The following PDZD8 variants were observed in gnomAD, a reference collection of about 807,000 sequenced individuals.
PDZD8 encodes the protein PDZ domain-containing protein 8.
A neutral mutation model predicts 85.8 loss-of-function variants in PDZD8; 14 were observed. That is an observed-to-expected ratio of 0.16 (90% CI 0.11 to 0.26). PDZD8 has a LOEUF of 0.26. Among genes scored for constraint, PDZD8 ranks in the 10% least tolerant of loss-of-function variants. PDZD8 has a pLI of 1.00. For synonymous variants in PDZD8, 592 were observed against 568.6 expected (o/e 1.04, Z -0.59); for missense variants, 1,197 against 1,424.3 (o/e 0.84, Z 2.57).
chr10:117,318,225 G>C (rs928069660), intron 3 of PDZD8, among the ~76,000 whole-genome samples: 21 of 152,096 alleles, frequency 1.4e-4, no homozygotes, highest in African/African-American at 4.8e-4. Context: ...CATCTCTTTA[G>C]AGTCCTATTA....
chr10:117,300,799 T>C (rs1252643234), intron 3 of PDZD8, among the ~76,000 whole-genome samples: 1 of 152,128 alleles, frequency 6.6e-6, no homozygotes, highest in African/African-American at 2.4e-5. Context: ...CCTTCTGCCA[T>C]GTGAGGACAT....
intron 2 of PDZD8, among the ~76,000 whole-genome samples, chr10:117,320,308 A>G (rs149294650): frequency 6.6e-6 from 1 of 152,244 alleles, no homozygotes; most frequent in Non-Finnish European, 1.5e-5. Flanking sequence ...ACTATCAGGC[A>G]GACAAAACTG....
chr10:117,323,978 A>G (rs539491677), intron 2 of PDZD8, among the ~76,000 whole-genome samples: 1 of 152,206 alleles, frequency 6.6e-6, no homozygotes, highest in East Asian at 1.9e-4. Flanking sequence ...CCGTAATCCC[A>G]GCACTTTGGG....
intron 2 of PDZD8, among the ~76,000 whole-genome samples, chr10:117,330,216 A>C (rs1844398681): frequency 6.6e-6 from 1 of 151,932 alleles, no homozygotes; most frequent in Non-Finnish European, 1.5e-5. Flanking sequence ...CCCCCTCAGA[A>C]ACATCCTCAT....
chr10:117,292,844 A>T (rs181962127), intron 3 of PDZD8, among the ~76,000 whole-genome samples: 110 of 151,780 alleles, frequency 7.2e-4, no homozygotes, highest in African/African-American at 2.7e-3. Context: ...TTTCTCCCCA[A>T]TTTTTACTGA....
intron 2 of PDZD8, among the ~76,000 whole-genome samples, chr10:117,338,136 G>T (rs891180539): frequency 6.6e-6 from 1 of 151,992 alleles, no homozygotes; most frequent in African/African-American, 2.4e-5. Flanking sequence ...TTTATACTAA[G>T]AAAAAAGTTT....
At position 117,374,553 on chromosome 10, in the gene PDZD8, C is replaced by T. The variant is rs757423023; in HGVS notation, c.675G>A (p.Val225=). 22 of 1,602,954 alleles carry T rather than the reference C, an allele frequency of 1.4e-5. No individual in the cohort carries two copies. In the Admixed American group the frequency reaches 3.8e-4, roughly 28 times the overall value. ...SAYLFVKLSR[V]VGRLRLVFTR... is the part of the protein sequence containing the mutation. ...TAAAGACCAAGCGCAGCCTTCCCAC[C>T]ACGCGGGACAGCTTGACAAACAAGT... Residue 225 remains valine (V), a synonymous_variant, in exon 1 of 5, where the codon GTG becomes GTA. Coordinates refer to ENST00000334464, the MANE Select transcript of PDZD8 (RefSeq NM_173791.5). The surrounding 1 kb of genome is among the most constrained non-coding windows in gnomAD (Gnocchi z 7.8).
At chr10:117,339,921 A>C (rs1047720991) in intron 2 of PDZD8, among the ~76,000 whole-genome samples, 4 of 152,168 alleles carry the variant, frequency 2.6e-5, no homozygotes, top group African/African-American at 9.7e-5. Flanking sequence ...ACATCCTAAG[A>C]GTAATGGGGA....
intron 1 of PDZD8, among the ~76,000 whole-genome samples, chr10:117,365,048 T>C (rs530668988): frequency 6.6e-6 from 1 of 152,000 alleles, no homozygotes; most frequent in Non-Finnish European, 1.5e-5. Context: ...AACATGGGTA[T>C]ATCAGGGGAT....
At chr10:117,348,646 T>C (rs1313772131) in intron 1 of PDZD8, among the ~76,000 whole-genome samples, 1 of 152,238 alleles carries the variant, frequency 6.6e-6, no homozygotes, top group Non-Finnish European at 1.5e-5. Context: ...TCTCTCCCTC[T>C]TCTTATAAGG....
intron 1 of PDZD8, among the ~76,000 whole-genome samples, chr10:117,372,080 T>C (rs1180062774): frequency 1.3e-5 from 2 of 152,228 alleles, no homozygotes; most frequent in Non-Finnish European, 2.9e-5. Context: ...GATAAGCATA[T>C]AGCAGGTGTA....
intron 3 of PDZD8, among the ~76,000 whole-genome samples, chr10:117,290,670 T>C (rs1203517771): frequency 6.6e-6 from 1 of 152,056 alleles, no homozygotes; most frequent in Non-Finnish European, 1.5e-5. Flanking sequence ...TTATACAATC[T>C]AGAACTATTC....
intron 3 of PDZD8, among the ~76,000 whole-genome samples, chr10:117,303,119 G>T (rs1338100099): frequency 6.6e-6 from 1 of 152,216 alleles, no homozygotes; most frequent in Admixed American, 6.5e-5. Flanking sequence ...CAGAAGAAAA[G>T]AAAATGTGGG....
rs1306148700 is a variant in PDZD8, at chr10:117,283,114, A to G, written c.*154T>C. The G allele has an allele frequency of 1.4e-6, 1 of 706,592 alleles. No homozygotes were observed. The allele number at this position is 706,592 out of a possible 1,614,324, so 43.8% of individuals were successfully genotyped here. A position where few individuals can be genotyped will look rare whatever the true frequency, so the allele number is the denominator to read the frequency against. The stretch of plus-strand genomic sequence containing the variant: ...CAATTAGTAAGCTGGTCATGTTTTT[A>G]CTGGAAAACAACCTTTCTCATTTTT... On this transcript the variant is annotated 3_prime_UTR_variant, in exon 5 of 5. Coordinates refer to ENST00000334464, the MANE Select transcript of PDZD8 (RefSeq NM_173791.5).
At chr10:117,342,862 A>T (rs1280483869) in intron 1 of PDZD8, among the ~76,000 whole-genome samples, 3 of 152,236 alleles carry the variant, frequency 2.0e-5, no homozygotes, top group Non-Finnish European at 4.4e-5. Flanking sequence ...TCATATGCCC[A>T]GAAGACACTA....
intron 2 of PDZD8, among the ~76,000 whole-genome samples, chr10:117,324,655 A>C (rs1414534162): frequency 1.3e-5 from 2 of 152,190 alleles, no homozygotes; most frequent in African/African-American, 4.8e-5. Flanking sequence ...AATTTATAAA[A>C]CTCTAATGAA....
chr10:117,283,882 C>G lies in PDZD8; in HGVS notation c.2851G>C (p.Val951Leu), dbSNP rs775505456. The change falls in exon 5 of 5, where the codon GTC becomes CTC. Residue 951 changes from valine (V) to leucine (L), a missense_variant. Coordinates refer to ENST00000334464, the MANE Select transcript of PDZD8 (RefSeq NM_173791.5). ...GGTTCAGAAAGGCGAGTTTTAGAGACTTGACGCAAATTTAATAAACGAGAA... is the reference window on the plus strand; with the variant it reads ...GGTTCAGAAAGGCGAGTTTTAGAGAGTTGACGCAAATTTAATAAACGAGAA... ...TSSRLLNLRQ[V>L]SKTRLSEPGT... 5 of 1,614,056 alleles carry G rather than the reference C, an allele frequency of 3.1e-6. No individual in the cohort carries two copies. In the African/African-American group the frequency reaches 6.7e-5, roughly 22 times the overall value.
intron 3 of PDZD8, among the ~76,000 whole-genome samples, chr10:117,303,552 C>T (rs544865513): frequency 1.1e-4 from 17 of 152,272 alleles, no homozygotes; most frequent in African/African-American, 4.1e-4. Context: ...TAGCAAGGAG[C>T]CTAATGTTAA....
At chr10:117,303,727 C>T (rs1843886648) in intron 3 of PDZD8, among the ~76,000 whole-genome samples, 1 of 152,228 alleles carries the variant, frequency 6.6e-6, no homozygotes, top group African/African-American at 2.4e-5. Context: ...GTTGTCCTAG[C>T]CACTCCAGCT....
Sources: gnomAD v4.1 joint callset for allele counts (sites outside exome capture counted in the v4.1 genomes callset) on GRCh38, gnomAD v4.1.1 for gene constraint, Gnocchi (gnomAD v3.1) non-coding constraint, MANE v1.5 for transcripts, NCBI Gene and HGNC (gene_info 2026-07-23, HGNC 2026-07-21) for gene names.